The following SAMMSON variants were observed in gnomAD, a reference collection of about 807,000 sequenced individuals.
The protein encoded by SAMMSON is survival associated mitochondrial melanoma specific oncogenic non-coding RNA, also known as long intergenic non-protein coding RNA 1212.
intron 4 of SAMMSON, among the ~76,000 whole-genome samples, chr3:70,246,906 T>C (rs912178507): frequency 6.6e-6 from 1 of 152,064 alleles, no homozygotes; most frequent in African/African-American, 2.4e-5. Flanking sequence ...TAATATTATA[T>C]TTAGACATGA....
intron 9 of SAMMSON, among the ~76,000 whole-genome samples, chr3:70,363,991 A>G (rs1702899033): frequency 1.3e-5 from 2 of 151,876 alleles, no homozygotes; most frequent in South Asian, 4.1e-4. Flanking sequence ...AAAAATGTAT[A>G]CATGTTTTTA....
intron 2 of SAMMSON, among the ~76,000 whole-genome samples, chr3:70,403,897 A>T (rs1216675730): frequency 6.6e-6 from 1 of 152,186 alleles, no homozygotes; most frequent in Non-Finnish European, 1.5e-5. Context: ...TTGATCCAGA[A>T]TAGATATTAT....
intron 3 of SAMMSON, among the ~76,000 whole-genome samples, chr3:70,040,985 A>G (rs948904838): frequency 1.3e-5 from 2 of 152,146 alleles, no homozygotes; most frequent in African/African-American, 4.8e-5. Context: ...GAGGACTGCT[A>G]AACTCTCAGC....
chr3:70,408,928 A>G (rs1350099364), intron 2 of SAMMSON, among the ~76,000 whole-genome samples: 1 of 152,300 alleles, frequency 6.6e-6, no homozygotes, highest in East Asian at 1.9e-4. Flanking sequence ...AAGCCTCAGA[A>G]TCATAGCAGG....
chr3:70,327,432 A>G (rs73104689), intron 7 of SAMMSON, among the ~76,000 whole-genome samples: 3,233 of 152,272 alleles, frequency 0.021, 55 homozygotes, highest in Non-Finnish European at 0.034. Flanking sequence ...TGGGGAACCT[A>G]GACAGAGTCT....
intron 6 of SAMMSON, among the ~76,000 whole-genome samples, chr3:70,278,749 T>C (rs998134021): frequency 1.3e-5 from 2 of 152,288 alleles, no homozygotes; most frequent in South Asian, 4.1e-4. Context: ...GTTGGTGCTC[T>C]ATTTCTACCA....
At chr3:70,286,826 G>T (rs183393133) in intron 6 of SAMMSON, among the ~76,000 whole-genome samples, 4 of 152,068 alleles carry the variant, frequency 2.6e-5, no homozygotes, top group African/African-American at 7.2e-5. Flanking sequence ...AAGCAATTGC[G>T]AATGAGAGTT....
chr3:70,302,203 T>A (rs984956515), intron 7 of SAMMSON, among the ~76,000 whole-genome samples: 1 of 152,182 alleles, frequency 6.6e-6, no homozygotes, highest in African/African-American at 2.4e-5. Flanking sequence ...GTTGAAATGA[T>A]TTATGCCTGT....
chr3:70,180,683 T>C (rs1478395915), intron 4 of SAMMSON, among the ~76,000 whole-genome samples: 2 of 152,146 alleles, frequency 1.3e-5, no homozygotes, highest in African/African-American at 4.8e-5. Context: ...ATTACAGAAG[T>C]ACACCGTGCT....
intron 2 of SAMMSON, among the ~76,000 whole-genome samples, chr3:70,410,415 AG>A (rs1333735467): frequency 6.6e-6 from 1 of 152,196 alleles, no homozygotes; most frequent in Non-Finnish European, 1.5e-5. Context: ...AAATATAATA[AG>A]ACATTGATAG....
rs528881898 is a variant in SAMMSON at position 70,078,245 on chromosome 3, G to A, written n.507+6680G>A. 6.4e-4 allele frequency among the ~76,000 whole-genome samples: 98 copies of A among 152,216 alleles called. 1 individual carries two copies. The highest frequency in any genetic ancestry group is 2.0e-3 in the African/African-American group (82 of 41,520). ...ATTATGGTAGATGTAGTAAATTGTC[G>A]CTTAGCACACATTTTGCTTTTCTTC... On this transcript the variant is annotated intron_variant and non_coding_transcript_variant, in intron 4 of 9. Transcript: ENST00000642114.
chr3:70,184,741 A>G (rs6549293), intron 4 of SAMMSON, among the ~76,000 whole-genome samples: 151,722 of 152,318 alleles, frequency 1, 75,567 homozygotes, highest in East Asian at 1. Context: ...AGCCCTTGCT[A>G]GACTAACCAC....
At chr3:70,425,950 C>T (rs1179828862) in intron 2 of SAMMSON, among the ~76,000 whole-genome samples, 2 of 152,152 alleles carry the variant, frequency 1.3e-5, no homozygotes. Context: ...GCTCTTAAAA[C>T]TCAGTGATAG....
rs149770393 is a variant in SAMMSON, at chr3:70,152,607, A to G, written n.507+81042A>G. ...TCACCATCACTAAAAGTGGGTGGCAATGGACTATTTTCCCCTTGAGATATT... is the reference window on the plus strand; with the variant it reads ...TCACCATCACTAAAAGTGGGTGGCAGTGGACTATTTTCCCCTTGAGATATT... On this transcript the variant is annotated intron_variant and non_coding_transcript_variant, in intron 4 of 9. Coordinates refer to ENST00000642114, the Ensembl canonical transcript of SAMMSON. Among the ~76,000 whole-genome samples the G allele has an allele frequency of 4.6e-5, 7 of 152,098 alleles. No homozygotes were observed. The East Asian group carries it at 9.7e-4, about 21-fold the overall frequency.
At chr3:70,084,484 A>G (rs548516081) in intron 4 of SAMMSON, among the ~76,000 whole-genome samples, 8 of 152,244 alleles carry the variant, frequency 5.3e-5, no homozygotes, top group Non-Finnish European at 7.4e-5. Flanking sequence ...TTTCTTCCTC[A>G]TTTCTCAGAG....
At chr3:70,291,845 G>T (rs1385765747) in intron 7 of SAMMSON, 1 of 152,164 alleles carries the variant, frequency 6.6e-6, no homozygotes, top group Non-Finnish European at 1.5e-5. Context: ...GCTGTCTGGT[G>T]ATCTTATCTT....
At chr3:70,294,342 A>G (rs547120592) in intron 7 of SAMMSON, among the ~76,000 whole-genome samples, 2 of 152,186 alleles carry the variant, frequency 1.3e-5, no homozygotes, top group Non-Finnish European at 2.9e-5. Context: ...AAGTAATGAT[A>G]CTTAGATTCA....
chr3:70,278,301 A>G (rs1702047762), intron 6 of SAMMSON, among the ~76,000 whole-genome samples: 2 of 152,220 alleles, frequency 1.3e-5, no homozygotes, highest in South Asian at 4.1e-4. Flanking sequence ...TGACAGGACT[A>G]CATATGTGTA....
chr3:70,058,507 G>A (rs2067175881), intron 3 of SAMMSON, among the ~76,000 whole-genome samples: 1 of 152,046 alleles, frequency 6.6e-6, no homozygotes, highest in Non-Finnish European at 1.5e-5. Context: ...TATAATGTAT[G>A]TCCTGGACCC....
Sources: allele counts gnomAD v4.1 joint callset (sites outside exome capture counted in the v4.1 genomes callset), GRCh38; gene constraint gnomAD v4.1.1; transcripts MANE v1.5; gene names NCBI Gene and HGNC (gene_info 2026-07-23, HGNC 2026-07-21).